PKNOX1: variants seen among roughly 807,000 people sequenced by gnomAD.
The protein encoded by PKNOX1 is homeobox protein PKNOX1.
A neutral mutation model predicts 51.9 loss-of-function variants in PKNOX1; 15 were observed. The ratio of observed to expected loss-of-function variants is 0.29; its 90% CI spans 0.19 to 0.45. The LOEUF is 0.45. Among genes scored for constraint, PKNOX1 ranks in the 20% least tolerant of loss-of-function variants. The pLI, the probability that PKNOX1 is intolerant of heterozygous loss-of-function variation, is 1.00. For missense variants in PKNOX1, 462 were observed against 547.5 expected (o/e 0.84, Z 1.56); for synonymous variants, 219 against 211.1 (o/e 1.04, Z -0.32).
At position 43,030,993 on chromosome 21, in the gene PKNOX1, A is replaced by T. The variant is rs187372256; in HGVS notation, c.*892A>T. Reference sequence around the variant, plus strand: ...TGCATTTTACACTTGATCTAAACATATATCGAAAGATATCTGCTAAACAGG... The same window carrying T: ...TGCATTTTACACTTGATCTAAACATTTATCGAAAGATATCTGCTAAACAGG... On this transcript the variant is annotated 3_prime_UTR_variant, in exon 11 of 11. Transcript: ENST00000291547. 5.2e-5 allele frequency: 8 copies of T among 152,568 alleles called. No homozygotes were observed. Among genetic ancestry groups the T allele is most frequent in the African/African-American group, 1.9e-4 (8 of 41,560 alleles). The allele number at this position is 152,568 out of a possible 1,614,324, so 9.5% of individuals were successfully genotyped here. A position where few individuals can be genotyped will look rare whatever the true frequency, so the allele number is the denominator to read the frequency against.
In PKNOX1 at chr21:43,010,218, TA is replaced by T; in HGVS notation, c.347del (p.Asn116IlefsTer2). 6.8e-7 allele frequency: 1 copy of T among 1,474,956 alleles called. No homozygotes were observed. Among genetic ancestry groups the T allele is most frequent in the Non-Finnish European group, 9.2e-7 (1 of 1,082,480 alleles). 91.4% of individuals were successfully genotyped at this position (1,474,956 alleles called of 1,614,324 possible). A position where few individuals can be genotyped will look rare whatever the true frequency, so the allele number is the denominator to read the frequency against. ...PFFCEDPETDNLMVKAIQVLR... is the reference protein window; with the variant it reads ...PFFCEDPETDXLMVKAIQVLR... ...TCTTTTGTGAAGATCCAGAAACTGA[TA>T]ATTTAGTAAGTAAAATAAATTTTAT... On this transcript the variant is annotated frameshift_variant, in exon 4 of 11. Coordinates refer to ENST00000291547, the MANE Select transcript of PKNOX1 (RefSeq NM_004571.5). LOFTEE classifies it high-confidence loss of function.
At chr21:43,025,938 C>T (rs374950764) in intron 9 of PKNOX1, among the ~76,000 whole-genome samples, 1 of 152,192 alleles carries the variant, frequency 6.6e-6, no homozygotes, top group Admixed American at 6.5e-5. Context: ...TCACAACAGA[C>T]TATACTATTT....
intron 7 of PKNOX1, among the ~76,000 whole-genome samples, 200 bp downstream of exon 7, chr21:43,018,430 C>A (rs909432561): frequency 7.6e-6 from 1 of 131,688 alleles, no homozygotes; most frequent in African/African-American, 2.9e-5. Context: ...TCAGAAAATT[C>A]TGAAAGAACA....
intron 1 of PKNOX1, among the ~76,000 whole-genome samples, chr21:43,003,478 A>G (rs1978853593): frequency 6.6e-6 from 1 of 152,162 alleles, no homozygotes; most frequent in African/African-American, 2.4e-5. Context: ...CACCCGTCTC[A>G]GGCCTCTGTG....
chr21:42,986,021 A>G (rs1020760548), intron 1 of PKNOX1, among the ~76,000 whole-genome samples: 1 of 136,346 alleles, frequency 7.3e-6, no homozygotes, highest in Admixed American at 7.4e-5. Context: ...AAAAAAATTA[A>G]AAAAAAAATT....
At chr21:42,986,507 A>G (rs2059053257) in intron 1 of PKNOX1, among the ~76,000 whole-genome samples, 1 of 140,346 alleles carries the variant, frequency 7.1e-6, no homozygotes, top group Non-Finnish European at 1.6e-5. Flanking sequence ...TCTCAAAAAC[A>G]AAAAAAAAGT....
rs1568906642 is a variant in PKNOX1 at position 43,028,967 on chromosome 21, A to G, written c.1099+93A>G. On this transcript the variant is annotated intron_variant, in intron 10 of 10. Coordinates refer to ENST00000291547, the MANE Select transcript of PKNOX1 (RefSeq NM_004571.5). ...ATCAGGCCTGTTAGCTGTGAGCCTC[A>G]GGTAATGTGGTGAACGAGAGTGCGT... 3.0e-6 allele frequency: 4 copies of G among 1,334,986 alleles called. No homozygotes were observed. The Admixed American group carries it at 7.0e-5, about 23-fold the overall frequency. 82.7% of individuals were successfully genotyped at this position (1,334,986 alleles called of 1,614,324 possible).
At chr21:42,991,712 C>T (rs2059088205) in intron 1 of PKNOX1, among the ~76,000 whole-genome samples, 3 of 146,596 alleles carry the variant, frequency 2.0e-5, no homozygotes, top group Admixed American at 6.9e-5. Flanking sequence ...CCAGCATGGG[C>T]GACAGAGCGA....
chr21:43,014,159 C>A (rs1010673989), intron 5 of PKNOX1, among the ~76,000 whole-genome samples: 3 of 151,706 alleles, frequency 2.0e-5, no homozygotes, highest in Admixed American at 6.6e-5. Context: ...GTAGCTGGGA[C>A]TACAGGTGCC....
At chr21:42,980,852 G>A (rs1218598392) in intron 1 of PKNOX1, among the ~76,000 whole-genome samples, 2 of 152,178 alleles carry the variant, frequency 1.3e-5, no homozygotes, top group African/African-American at 4.8e-5. Flanking sequence ...TGTAATTGAA[G>A]GAGTGCTACA....
chr21:42,987,404 A>AAAAAAAAATATAT, intron 1 of PKNOX1, among the ~76,000 whole-genome samples: 8 of 41,416 alleles, frequency 1.9e-4, no homozygotes, highest in African/African-American at 7.4e-4. Context: ...AAAAAAAAAA[A>AAAAAAAAATATAT]ATATATATAT....
chr21:42,985,961 A>G (rs1185961320), intron 1 of PKNOX1, among the ~76,000 whole-genome samples: 1 of 147,924 alleles, frequency 6.8e-6, no homozygotes, highest in Non-Finnish European at 1.5e-5. Context: ...AAATCGTGCC[A>G]TTGCAGTCTA....
intron 1 of PKNOX1, among the ~76,000 whole-genome samples, chr21:42,987,404 A>AAAAAAAAAAAATATATATATATATATAT: frequency 4.8e-5 from 2 of 41,410 alleles, no homozygotes; most frequent in African/African-American, 1.9e-4. Context: ...AAAAAAAAAA[A>AAAAAAAAAAAATATATATATATATATAT]ATATATATAT....
chr21:42,980,764 A>AT (rs34506374), intron 1 of PKNOX1, among the ~76,000 whole-genome samples: 3 of 152,146 alleles, frequency 2.0e-5, no homozygotes, highest in South Asian at 2.1e-4. Flanking sequence ...TAGTGACGAG[A>AT]TTTTTTGTGA....
At chr21:43,025,084 G>A (rs1979933719) in intron 9 of PKNOX1, 137 bp downstream of exon 9, 1 of 620,538 alleles carries the variant, frequency 1.6e-6, no homozygotes, top group South Asian at 2.0e-5. Flanking sequence ...ACGGGGTCTT[G>A]CTGTGTTGCC....
intron 1 of PKNOX1, among the ~76,000 whole-genome samples, chr21:42,993,505 C>T (rs1978334165): frequency 6.6e-6 from 1 of 151,536 alleles, no homozygotes; most frequent in South Asian, 2.1e-4. Context: ...TTCGTAAAAA[C>T]ATCACAATTC....
At chr21:43,017,940 T>C in intron 6 of PKNOX1, 193 bp from the exon 7 acceptor site, 2 of 536,712 alleles carry the variant, frequency 3.7e-6, no homozygotes, top group Non-Finnish European at 6.6e-6. Context: ...CTGGTCGCAG[T>C]GCCTCACATC....
At chr21:43,028,636 T>G in intron 9 of PKNOX1, 66 bp from the exon 10 acceptor site, 1 of 1,451,852 alleles carries the variant, frequency 6.9e-7, no homozygotes, top group Non-Finnish European at 9.6e-7. Flanking sequence ...TTAGAAGGAT[T>G]TGTTAATCCT....
At chr21:42,998,963 T>TA (rs971676783) in intron 1 of PKNOX1, among the ~76,000 whole-genome samples, 13 of 152,336 alleles carry the variant, frequency 8.5e-5, no homozygotes, top group African/African-American at 3.1e-4. Context: ...AGTGCCCCAG[T>TA]AGGGACTCTG....
Sources: allele counts gnomAD v4.1 joint callset (sites outside exome capture counted in the v4.1 genomes callset), GRCh38; gene constraint gnomAD v4.1.1; transcripts MANE v1.5; gene names NCBI Gene and HGNC (gene_info 2026-07-23, HGNC 2026-07-21).